Variants in RPL3 observed in about 807,000 individuals in gnomAD.
RPL3 encodes ribosomal protein L3, also known as large ribosomal subunit protein uL3.
RPL3 carries 3 observed loss-of-function variants against 46.0 expected under a neutral mutation model. That is an observed-to-expected ratio of 0.07 (90% confidence interval 0.03 to 0.17). The LOEUF is 0.17. Among genes scored for constraint, RPL3 ranks in the 10% least tolerant of loss-of-function variants. RPL3 has a pLI of 1.00. For missense variants in RPL3, 387 were observed against 532.7 expected (o/e 0.73, Z 2.69); for synonymous variants, 224 against 190.8 (o/e 1.17, Z -1.43).
In RPL3 at chr22:39,317,478, C is replaced by T. The variant is rs1263024067; in HGVS notation, c.348G>A (p.Arg116=). Residue 116 remains arginine (R), a synonymous_variant, in exon 3 of 10, where the codon AGG becomes AGA. Coordinates refer to ENST00000216146, the MANE Select transcript of RPL3 (RefSeq NM_000967.4). The part of the protein sequence containing the change: ...FAEHISDECK[R]RFYKNWHKSK... ...TCCCTTACCAATTCTTATAGAAACG[C>T]CTCTTGCATTCATCACTGATGTGCT... The T allele has an allele frequency of 3.1e-6, 5 of 1,613,756 alleles. No homozygotes were observed. In the African/African-American group the frequency reaches 4.0e-5, roughly 13 times the overall value.
At chr22:39,313,053 G>A (rs1480263900) in intron 9 of RPL3, 69 bp from the exon 10 acceptor site, 6 of 1,610,392 alleles carry the variant, frequency 3.7e-6, no homozygotes, top group African/African-American at 2.7e-5. Context: ...CTCTAGAGGA[G>A]ACCAAGACTC....
intron 3 of RPL3, 141 bp from the exon 4 acceptor site, chr22:39,316,982 C>A: frequency 1.5e-6 from 2 of 1,292,258 alleles, no homozygotes; most frequent in South Asian, 1.2e-5. Context: ...CACCAGCAAG[C>A]GGAGCCTGGA....
At chr22:39,316,065 C>A (rs948632167) in intron 4 of RPL3, among the ~76,000 whole-genome samples, 10 of 152,156 alleles carry the variant, frequency 6.6e-5, no homozygotes, top group Admixed American at 3.3e-4. Context: ...CATGGAGAAA[C>A]CCCGTCTCTA....
Position 39,316,781 on chromosome 22 carries a change from G to A in RPL3, c.426C>T (p.Gly142=), listed in dbSNP as rs773047667. ...TGAAGTCCTTCTCCAGCTGCTTCTTGCCATCCTCATCCTGCCATTTCTTGC... is the reference window on the plus strand; with the variant it reads ...TGAAGTCCTTCTCCAGCTGCTTCTTACCATCCTCATCCTGCCATTTCTTGC... ...KYCKKWQDED[G]KKQLEKDFSS... Residue 142 remains glycine (G), a synonymous_variant, in exon 4 of 10, where the codon GGC becomes GGT. Coordinates refer to ENST00000216146, the MANE Select transcript of RPL3 (RefSeq NM_000967.4). The A allele has an allele frequency of 6.2e-7, 1 of 1,613,942 alleles. No homozygotes were observed. Among genetic ancestry groups the A allele is most frequent in the Non-Finnish European group, 8.5e-7 (1 of 1,179,954 alleles).
intron 8 of RPL3, 65 bp downstream of exon 8, chr22:39,313,569 G>A: frequency 6.8e-7 from 1 of 1,468,734 alleles, no homozygotes; most frequent in Non-Finnish European, 9.4e-7. Flanking sequence ...AGGGCCACCA[G>A]CGTCTGTGGC....
At position 39,317,643 on chromosome 22, in the gene RPL3, G is replaced by C. The variant is rs746185902; in HGVS notation, c.197-14C>G. 9.9e-6 allele frequency: 16 copies of C among 1,610,690 alleles called. No homozygotes were observed. Among genetic ancestry groups the C allele is most frequent in the East Asian group, 2.2e-5 (1 of 44,788 alleles). On this transcript the variant is annotated splice_polypyrimidine_tract_variant and intron_variant, in intron 2 of 9. Coordinates refer to ENST00000216146, the MANE Select transcript of RPL3 (RefSeq NM_000967.4). The stretch of plus-strand genomic sequence containing the variant: ...TCTTGTTCACCTCTGCAAAAAAAAA[G>C]CAGTAGTCAGACTTGGCAGGAGCCC...
intron 7 of RPL3, 70 bp downstream of exon 7, chr22:39,314,037 T>C: frequency 7.6e-7 from 1 of 1,315,510 alleles, no homozygotes; most frequent in Admixed American, 1.7e-5. Flanking sequence ...TAGCAGCCCC[T>C]AGGAAGCAGC....
rs1301356204 is a variant in RPL3 at position 39,316,689 on chromosome 22, C to G, written c.501+17G>C. ...TACTAAGTGGCAGGCCAAGCCACCC[C>G]GGGGCACTGGGCTCACCTGGGTGTG... On this transcript the variant is annotated intron_variant, in intron 4 of 9. Transcript: ENST00000216146. 2 of 1,611,922 alleles carry G rather than the reference C, an allele frequency of 1.2e-6. No homozygotes were observed. The highest frequency in any genetic ancestry group is 4.5e-5 in the East Asian group (2 of 44,902).
intron 7 of RPL3, 53 bp from the exon 8 acceptor site, chr22:39,313,782 A>C: frequency 1.3e-6 from 2 of 1,526,956 alleles, no homozygotes; most frequent in Non-Finnish European, 1.8e-6. Context: ...TGTCGTGCAG[A>C]TGACCCCTCC....
At position 39,314,700 on chromosome 22, in the gene RPL3, C is replaced by T; in HGVS notation, c.835G>A (p.Glu279Lys). 1 of 1,613,066 alleles carries T rather than the reference C, an allele frequency of 6.2e-7. No homozygotes were observed. ...AGQKGYHHRT[E>K]INKKIYKIGQ... ...CAGAACCTCACCTTCTTGTTGATCT[C>T]AGTGCGGTGATGGTAGCCTTTCTGC... is the stretch of plus-strand genomic sequence containing the variant. The change falls in exon 6 of 10, where the codon GAG becomes AAG. Residue 279 changes from glutamate to lysine, a missense_variant. By Grantham distance (56) the Glu-to-Lys change is moderately conservative. Transcript: ENST00000216146.
intron 1 of RPL3, chr22:39,319,016 A>G (rs1298607063): frequency 3.7e-6 from 2 of 538,180 alleles, no homozygotes; most frequent in South Asian, 1.4e-5. Context: ...CACTAATTAC[A>G]CTGATACACA....
rs910449862 is a variant in RPL3 at position 39,319,602 on chromosome 22, C to G, written c.-5G>C. 5 of 1,549,592 alleles carry G rather than the reference C, an allele frequency of 3.2e-6. No homozygotes were observed. Among genetic ancestry groups the G allele is most frequent in the South Asian group, 2.4e-5 (2 of 84,914 alleles). The stretch of plus-strand genomic sequence containing the variant: ...CGCCATTACAACACATACCATCACG[C>G]CATCAAATCCCGCCGGTAGAGGCCG... On this transcript the variant is annotated 5_prime_UTR_variant, in exon 1 of 10. Transcript: ENST00000216146.
intron 2 of RPL3, 192 bp downstream of exon 2, chr22:39,318,208 C>A: frequency 1.6e-6 from 1 of 606,322 alleles, no homozygotes; most frequent in Non-Finnish European, 2.8e-6. Context: ...GCAAACAGTG[C>A]TGACCATCTG....
chr22:39,315,641 T>C, intron 4 of RPL3, 86 bp from the exon 5 acceptor site: 2 of 1,500,508 alleles, frequency 1.3e-6, no homozygotes, highest in African/African-American at 1.4e-5. Flanking sequence ...GCCTGATTGA[T>C]GTCAAGCACA....
At chr22:39,319,524 G>T (rs1428347962) in intron 1 of RPL3, 71 bp downstream of exon 1, 5 of 1,549,388 alleles carry the variant, frequency 3.2e-6, no homozygotes, top group Non-Finnish European at 4.4e-6. Flanking sequence ...AGACGGGATG[G>T]CGGCGATGCG....
At chr22:39,314,375 C>T (rs745511971) in intron 6 of RPL3, 167 bp from the exon 7 acceptor site, 13 of 664,982 alleles carry the variant, frequency 2.0e-5, no homozygotes, top group Non-Finnish European at 3.4e-5. Flanking sequence ...AGGTTCCTTT[C>T]TGTAAGGCGG....
At chr22:39,318,914 C>T in intron 1 of RPL3, 3 of 462,252 alleles carry the variant, frequency 6.5e-6, no homozygotes, top group South Asian at 1.6e-5. Flanking sequence ...TGCCAATTAG[C>T]AAGGTTTTGA....
At chr22:39,314,593 C>G (rs1337773723) in intron 6 of RPL3, 93 bp downstream of exon 6, 3 of 1,401,644 alleles carry the variant, frequency 2.1e-6, no homozygotes, top group African/African-American at 2.9e-5. Flanking sequence ...GCATAAGCTA[C>G]AGTCAGTGAA....
chr22:39,319,458 A>C (rs747094172), intron 1 of RPL3, 137 bp downstream of exon 1: 1 of 1,210,958 alleles, frequency 8.3e-7, no homozygotes, highest in South Asian at 1.3e-5. Context: ...AATAGGCCAG[A>C]CTGAAGTCCC....
Sources: gnomAD v4.1 joint callset for allele counts (sites outside exome capture counted in the v4.1 genomes callset) on GRCh38, gnomAD v4.1.1 for gene constraint, MANE v1.5 for transcripts, NCBI Gene and HGNC (gene_info 2026-07-23, HGNC 2026-07-21) for gene names.